The following TMEFF1 variants were observed in gnomAD, a reference collection of about 807,000 sequenced individuals.
The protein encoded by TMEFF1 is tomoregulin-1.
Under a neutral mutation model 47.5 loss-of-function variants are expected in TMEFF1, and 20 were observed. That is an observed-to-expected ratio of 0.42 (90% CI 0.30 to 0.61). The LOEUF is 0.61. Among genes scored for constraint, TMEFF1 ranks in the 20% least tolerant of loss-of-function variants. The pLI, the probability that TMEFF1 is intolerant of heterozygous loss-of-function variation, is 0.19. For missense variants in TMEFF1, 411 were observed against 471.1 expected, an observed-to-expected ratio of 0.87 and a Z score of 1.18; for synonymous variants, 162 against 166.3, an observed-to-expected ratio of 0.97 and a Z score of 0.20.
intron 1 of TMEFF1, among the ~76,000 whole-genome samples, chr9:100,494,276 T>G (rs1438334082): frequency 6.6e-6 from 1 of 151,964 alleles, no homozygotes; most frequent in African/African-American, 2.4e-5. Flanking sequence ...TTGATAAATT[T>G]TATCATGTGG....
At position 100,572,825 on chromosome 9, in the gene TMEFF1, G is replaced by C. The variant is rs149138187; in HGVS notation, c.1058+149G>C. 394 of 1,017,546 alleles carry C rather than the reference G, an allele frequency of 3.9e-4. No homozygotes were observed. The African/African-American group carries it at 5.9e-3, about 15-fold the overall frequency. 63.0% of individuals were successfully genotyped at this position (1,017,546 alleles called of 1,614,324 possible). A position where few individuals can be genotyped will look rare whatever the true frequency, so the allele number is the denominator to read the frequency against. ...GGTCTCTCCCTATCCTTCTTCTTTAGGATACGGGCAGGGACTAATTCCCAG... is the reference window on the plus strand; with the variant it reads ...GGTCTCTCCCTATCCTTCTTCTTTACGATACGGGCAGGGACTAATTCCCAG... On this transcript the variant is annotated intron_variant, in intron 9 of 9. Transcript: ENST00000374879.
chr9:100,503,581 T>A (rs915933919), intron 2 of TMEFF1, among the ~76,000 whole-genome samples: 1 of 145,896 alleles, frequency 6.9e-6, no homozygotes, highest in Admixed American at 6.8e-5. Context: ...CACACACGAA[T>A]GTGAGAGCGA....
chr9:100,540,663 A>C, intron 5 of TMEFF1, among the ~76,000 whole-genome samples: 1 of 152,240 alleles, frequency 6.6e-6, no homozygotes, highest in South Asian at 2.1e-4. Flanking sequence ...GAGGGCTGCT[A>C]GCACGTTGTC....
chr9:100,568,074 ATGGGAGTTG>A (rs1199479842), intron 8 of TMEFF1, among the ~76,000 whole-genome samples: 3 of 152,164 alleles, frequency 2.0e-5, no homozygotes, highest in Non-Finnish European at 4.4e-5. Flanking sequence ...CCCACGACAC[ATGGGAGTTG>A]TGGGAGTTAC....
intron 3 of TMEFF1, among the ~76,000 whole-genome samples, chr9:100,511,546 G>A (rs894104118): frequency 6.6e-6 from 1 of 152,042 alleles, no homozygotes; most frequent in Non-Finnish European, 1.5e-5. Flanking sequence ...TATGTTATTT[G>A]GTCTTTTGTG....
chr9:100,572,703 CT>C, intron 9 of TMEFF1, 27 bp downstream of exon 9: 1 of 1,578,084 alleles, frequency 6.3e-7, no homozygotes. Flanking sequence ...GAAATATCAA[CT>C]TTAAATTAGA....
chr9:100,576,510 C>T lies in TMEFF1; in HGVS notation c.1059-6C>T. On this transcript the variant is annotated splice_polypyrimidine_tract_variant and splice_region_variant and intron_variant, in intron 9 of 9. Transcript: ENST00000374879. ...TTTTTCTCTCTTTCTTTTTTTAATG[C>T]AACAGAAAATGCCCCAAAAACAATA... 6.2e-7 allele frequency: 1 copy of T among 1,604,554 alleles called. No individual in the cohort carries two copies. Among genetic ancestry groups the T allele is most frequent in the Non-Finnish European group, 8.5e-7 (1 of 1,177,512 alleles).
rs752009168 is a variant in TMEFF1 at position 100,516,683 on chromosome 9, G to T, written c.472G>T (p.Gly158Trp). 5 of 1,612,160 alleles carry T rather than the reference G, an allele frequency of 3.1e-6. No individual in the cohort carries two copies. The highest frequency in any genetic ancestry group is 1.1e-5 in the South Asian group (1 of 90,564). ...GSGSGEGEEE[G>W]SGAEVHRKHS... ...TTTTTCTTTTTAAACAGAAGAGGAA[G>T]GGTCAGGGGCAGAAGTTCACAGAAA... Residue 158 changes from glycine to tryptophan, a missense_variant, in exon 5 of 10, where the codon GGG becomes TGG. Physicochemically the swap from Gly to Trp is radical, Grantham distance 184. Transcript: ENST00000374879.
At chr9:100,514,776 C>T (rs1413114755) in intron 4 of TMEFF1, among the ~76,000 whole-genome samples, 1 of 151,746 alleles carries the variant, frequency 6.6e-6, no homozygotes, top group Non-Finnish European at 1.5e-5. Flanking sequence ...GGGCGGATCA[C>T]CTGAGGTCAG....
chr9:100,524,888 C>A (rs1311833603), intron 5 of TMEFF1, among the ~76,000 whole-genome samples: 2 of 152,138 alleles, frequency 1.3e-5, no homozygotes, highest in African/African-American at 4.8e-5. Context: ...CTATCCCTCC[C>A]CCAGACCCCC....
At chr9:100,548,417 C>T (rs566131804) in intron 6 of TMEFF1, among the ~76,000 whole-genome samples, 11 of 152,290 alleles carry the variant, frequency 7.2e-5, no homozygotes, top group Non-Finnish European at 7.4e-5. Flanking sequence ...TTTCACCCTT[C>T]TTGCTTTTTG....
At position 100,489,199 on chromosome 9, in the gene TMEFF1, A is replaced by G. The variant is rs147509320; in HGVS notation, c.197-9566A>G. On this transcript the variant is annotated intron_variant, in intron 1 of 9. Coordinates refer to ENST00000374879, the MANE Select transcript of TMEFF1 (RefSeq NM_003692.5). ...TTGTGCCTGAGTTATTTCTTTTAAC[A>G]TAATATTTTCTTTTCCTTTTTCTTT... Among the ~76,000 whole-genome samples, 137 of 152,188 alleles carry G rather than the reference A, an allele frequency of 9.0e-4. 1 individual carries two copies. The highest frequency in any genetic ancestry group is 2.7e-3 in the Admixed American group (42 of 15,296).
intron 7 of TMEFF1, among the ~76,000 whole-genome samples, chr9:100,560,462 T>G (rs1339141354): frequency 1.3e-5 from 2 of 152,164 alleles, no homozygotes; most frequent in Non-Finnish European, 2.9e-5. Context: ...CTGGGTCCTT[T>G]GAGCTTAGGA....
chr9:100,541,359 T>C lies in TMEFF1; in HGVS notation c.561-6385T>C, dbSNP rs189981932. Among the ~76,000 whole-genome samples, 126 of 149,032 alleles carry C rather than the reference T, an allele frequency of 8.5e-4. 1 individual carries two copies. The highest frequency in any genetic ancestry group is 3.5e-3 in the Middle Eastern group (1 of 286). On this transcript the variant is annotated intron_variant, in intron 5 of 9. Transcript: ENST00000374879. ...GATTTGGCAATTTCATTTTTTTTTT[T>C]TTTCTTTCTTTCTTTCTTTTTTTTT...
intron 9 of TMEFF1, among the ~76,000 whole-genome samples, chr9:100,574,858 C>T (rs1026496615): frequency 3.3e-5 from 5 of 152,190 alleles, no homozygotes; most frequent in African/African-American, 1.2e-4. Context: ...TGCTCAACTA[C>T]TCAATTAAAA....
intron 1 of TMEFF1, among the ~76,000 whole-genome samples, chr9:100,476,720 G>T (rs183011079): frequency 2.4e-5 from 3 of 126,828 alleles, no homozygotes; most frequent in Non-Finnish European, 4.9e-5. Context: ...TTTTTGAGAC[G>T]GAGTCTCACT....
At chr9:100,484,352 C>G (rs2118256370) in intron 1 of TMEFF1, among the ~76,000 whole-genome samples, 1 of 150,206 alleles carries the variant, frequency 6.7e-6, no homozygotes, top group East Asian at 1.9e-4. Context: ...GAGTCTCTCT[C>G]TGTTGCCCAG....
intron 1 of TMEFF1, among the ~76,000 whole-genome samples, chr9:100,494,713 C>A (rs541614965): frequency 3.9e-5 from 6 of 152,210 alleles, no homozygotes; most frequent in African/African-American, 1.4e-4. Flanking sequence ...CTTTGTTTCC[C>A]TGAACAAAAT....
At chr9:100,495,212 A>G (rs1000773101) in intron 1 of TMEFF1, among the ~76,000 whole-genome samples, 1 of 152,166 alleles carries the variant, frequency 6.6e-6, no homozygotes, top group Non-Finnish European at 1.5e-5. Context: ...TTTCACTTAC[A>G]TTGTTTTCCT....
Sources: gnomAD v4.1 joint callset for allele counts (sites outside exome capture counted in the v4.1 genomes callset) on GRCh38, gnomAD v4.1.1 for gene constraint, MANE v1.5 for transcripts, NCBI Gene and HGNC (gene_info 2026-07-23, HGNC 2026-07-21) for gene names.